Variants in KIF16B observed in about 807,000 individuals in gnomAD.
KIF16B encodes kinesin family member 16B.
A neutral mutation model predicts 156.3 loss-of-function variants in KIF16B; 98 were observed. The ratio of observed to expected loss-of-function variants is 0.63; its 90% CI spans 0.53 to 0.74. The LOEUF (loss-of-function observed/expected upper bound fraction) is 0.74, where lower values mean the gene tolerates loss of function less well. KIF16B is among the 30% of genes least tolerant of loss of function. The pLI is 0.00. For synonymous variants in KIF16B, 564 were observed against 583.7 expected (o/e 0.97, Z 0.49); for missense variants, 1,421 against 1,606.5 (o/e 0.88, Z 1.97).
At chr20:16,516,011 T>A (rs902045907) in intron 3 of KIF16B, among the ~76,000 whole-genome samples, 10 of 152,178 alleles carry the variant, frequency 6.6e-5, no homozygotes, top group African/African-American at 2.4e-4. Context: ...TATAAATATA[T>A]AAAGCTATTC....
intron 12 of KIF16B, among the ~76,000 whole-genome samples, chr20:16,430,981 C>T (rs2066484559): frequency 6.6e-6 from 1 of 152,060 alleles, no homozygotes; most frequent in Non-Finnish European, 1.5e-5. Context: ...CCTTGATTCT[C>T]TCTGCCTCCC....
intron 1 of KIF16B, among the ~76,000 whole-genome samples, chr20:16,548,450 CAGG>C (rs1169384194): frequency 2.0e-5 from 3 of 152,240 alleles, no homozygotes; most frequent in Non-Finnish European, 4.4e-5. Context: ...CCGGGCCACA[CAGG>C]AGGAGGTCAG....
chr20:16,543,647 A>G (rs1399523633), intron 1 of KIF16B, among the ~76,000 whole-genome samples: 1 of 152,126 alleles, frequency 6.6e-6, no homozygotes, highest in Non-Finnish European at 1.5e-5. Context: ...TTTGCTCAAG[A>G]CCAAAGATAA....
intron 25 of KIF16B, among the ~76,000 whole-genome samples, chr20:16,299,616 T>C (rs933700107): frequency 6.6e-6 from 1 of 152,332 alleles, no homozygotes; most frequent in African/African-American, 2.4e-5. Flanking sequence ...AGAAGGTCAC[T>C]CTGTACCAAA....
chr20:16,500,550 T>C (rs1430399057), intron 10 of KIF16B, among the ~76,000 whole-genome samples: 1 of 152,236 alleles, frequency 6.6e-6, no homozygotes, highest in Non-Finnish European at 1.5e-5. Context: ...TGTGTGGCTT[T>C]GTCTCCTGCT....
Position 16,367,357 on chromosome 20 carries a change from G to A in KIF16B, c.3498+3229C>T, listed in dbSNP as rs766482919. 48 of 1,612,888 alleles carry A rather than the reference G, an allele frequency of 3.0e-5. No homozygotes were observed. The South Asian group carries it at 4.5e-4, about 15-fold the overall frequency. On this transcript the variant is annotated intron_variant, in intron 22 of 25. Transcript: ENST00000354981. ...TTTCTGTAAGAAGACTAGTTCTACTGTTGACACATTTTTCTTTTCTGGAAC... is the reference window on the plus strand; with the variant it reads ...TTTCTGTAAGAAGACTAGTTCTACTATTGACACATTTTTCTTTTCTGGAAC...
chr20:16,308,725 C>A (rs910893734), intron 25 of KIF16B, among the ~76,000 whole-genome samples: 2 of 152,236 alleles, frequency 1.3e-5, no homozygotes, highest in African/African-American at 4.8e-5. Flanking sequence ...GGAAAGCAGG[C>A]ACTATGTGAA....
rs760773784 is a variant in KIF16B at position 16,507,951 on chromosome 20, C to T, written c.699+7G>A. The T allele has an allele frequency of 1.1e-5, 17 of 1,613,898 alleles. No individual in the cohort carries two copies. Among genetic ancestry groups the T allele is most frequent in the Admixed American group, 1.7e-5 (1 of 60,002 alleles). ...ATGGAGCCAGCTGGTCCCGCAGCAG[C>T]CCTTACCTGAGTGAACTTGATGGTG... On this transcript the variant is annotated splice_region_variant and intron_variant, in intron 7 of 25. Transcript: ENST00000354981.
At chr20:16,413,573 CATAT>C (rs946224499) in intron 15 of KIF16B, among the ~76,000 whole-genome samples, 1 of 152,068 alleles carries the variant, frequency 6.6e-6, no homozygotes, top group Admixed American at 6.6e-5. Context: ...ATACTACAAA[CATAT>C]GAGACAACTG....
chr20:16,425,037 C>G (rs6111108), intron 15 of KIF16B, among the ~76,000 whole-genome samples: 4,155 of 152,184 alleles, frequency 0.027, 174 homozygotes, highest in African/African-American at 0.091. Context: ...CAAACACACA[C>G]ACGTTTTCCT....
At chr20:16,539,598 G>A (rs913406462) in intron 1 of KIF16B, among the ~76,000 whole-genome samples, 2 of 151,974 alleles carry the variant, frequency 1.3e-5, no homozygotes, top group African/African-American at 4.8e-5. Context: ...TGCCTGCTCC[G>A]GCTTTGCCTT....
intron 23 of KIF16B, among the ~76,000 whole-genome samples, chr20:16,354,452 T>C (rs2064397233): frequency 7.5e-6 from 1 of 133,546 alleles, no homozygotes; most frequent in Admixed American, 7.6e-5. Context: ...TCATGTATAA[T>C]CACATATATG....
At chr20:16,503,795 TCA>T (rs1443538064) in intron 10 of KIF16B, among the ~76,000 whole-genome samples, 1 of 151,900 alleles carries the variant, frequency 6.6e-6, no homozygotes, top group Admixed American at 6.6e-5. Flanking sequence ...ACTGAGAAAA[TCA>T]CAAAGACAAG....
In KIF16B at chr20:16,545,563, G is replaced by A. The variant is rs1396954232; in HGVS notation, c.48-17123C>T. ...GCCTATAATCTCAACTACTCAGGAG[G>A]CTGAGGCAGGAGAATTGCTTAAACC... On this transcript the variant is annotated intron_variant, in intron 1 of 25. Transcript: ENST00000354981. 5.3e-5 allele frequency among the ~76,000 whole-genome samples: 8 copies of A among 152,284 alleles called. No homozygotes were observed. The East Asian group carries it at 1.5e-3, about 29-fold the overall frequency.
chr20:16,524,941 C>G (rs978316660), intron 3 of KIF16B, among the ~76,000 whole-genome samples: 5 of 152,244 alleles, frequency 3.3e-5, no homozygotes, highest in African/African-American at 9.6e-5. Flanking sequence ...AAACCAAACA[C>G]CAGATGTTCT....
intron 12 of KIF16B, among the ~76,000 whole-genome samples, chr20:16,456,608 A>G (rs979944883): frequency 2.2e-4 from 33 of 152,200 alleles, no homozygotes; most frequent in African/African-American, 8.0e-4. Flanking sequence ...AGGCTAAAAT[A>G]TAAGTAATTT....
chr20:16,370,576 C>A lies in KIF16B; in HGVS notation c.3498+10G>T, dbSNP rs375288539. 4.5e-6 allele frequency: 7 copies of A among 1,569,858 alleles called. No homozygotes were observed. In the Admixed American group the frequency reaches 1.4e-4, roughly 32 times the overall value. ...AGGCGACCCTATCAATCTGAAAAAT[C>A]ATTACCTACCTCATATTTTAGTTTA... is the stretch of plus-strand genomic sequence containing the variant. On this transcript the variant is annotated intron_variant, in intron 22 of 25. Coordinates refer to ENST00000354981, the MANE Select transcript of KIF16B (RefSeq NM_024704.5).
At position 16,573,363 on chromosome 20, in the gene KIF16B, C is replaced by A; in HGVS notation, c.-88G>T. On this transcript the variant is annotated 5_prime_UTR_variant, in exon 1 of 26. Coordinates refer to ENST00000354981, the MANE Select transcript of KIF16B (RefSeq NM_024704.5). ...CGCTGGCTACTCAGATCGCGGCTCC[C>A]GCCCACTTCCCTCTCGCCCCCGCCC... The A allele has an allele frequency of 7.0e-7, 1 of 1,422,102 alleles. No homozygotes were observed. The highest frequency in any genetic ancestry group is 9.7e-7 in the Non-Finnish European group (1 of 1,030,460). 88.1% of individuals were successfully genotyped at this position (1,422,102 alleles called of 1,614,324 possible). A position where few individuals can be genotyped will look rare whatever the true frequency, so the allele number is the denominator to read the frequency against.
chr20:16,544,607 C>CAAAAAAAAAAA (rs11472848), intron 1 of KIF16B, among the ~76,000 whole-genome samples: 1 of 64,646 alleles, frequency 1.5e-5, no homozygotes, highest in Non-Finnish European at 2.7e-5. Context: ...AAAGCCATCT[C>CAAAAAAAAAAA]AAAAAAAAAA....
Sources: gnomAD v4.1 joint callset for allele counts (sites outside exome capture counted in the v4.1 genomes callset) on GRCh38, gnomAD v4.1.1 for gene constraint, MANE v1.5 for transcripts, NCBI Gene and HGNC (gene_info 2026-07-23, HGNC 2026-07-21) for gene names.